The following POLD3 variants were observed in gnomAD, a reference collection of about 807,000 sequenced individuals.
POLD3 encodes DNA polymerase delta 3, accessory subunit.
In POLD3, 19 loss-of-function variants were observed where a neutral mutation model predicts 58.2. The observed-to-expected ratio is 0.33, with a 90% CI of 0.23 to 0.48. The LOEUF (loss-of-function observed/expected upper bound fraction) is 0.48, where lower values mean the gene tolerates loss of function less well. POLD3 is among the 20% of genes least tolerant of loss of function. The pLI is 0.99. For missense variants in POLD3, 504 were observed against 545.5 expected (o/e 0.92, Z 0.76); for synonymous variants, 172 against 193.5 (o/e 0.89, Z 0.92).
At chr11:74,661,773 C>T (rs1326502620) in intron 4 of POLD3, among the ~76,000 whole-genome samples, 1 of 152,242 alleles carries the variant, frequency 6.6e-6, no homozygotes, top group South Asian at 2.1e-4. Flanking sequence ...TTCTTCAGGG[C>T]AGCAAGTTCT....
At position 74,605,524 on chromosome 11, in the gene POLD3, A is replaced by G. The variant is rs191741940; in HGVS notation, c.219+730A>G. On this transcript the variant is annotated intron_variant, in intron 3 of 11. Transcript: ENST00000263681. ...ACCAAACTGGGCCTTGGGAACTTTAATAATTCCCCCTCTCTGGCGTCCTCC... is the reference window on the plus strand; with the variant it reads ...ACCAAACTGGGCCTTGGGAACTTTAGTAATTCCCCCTCTCTGGCGTCCTCC... Among the ~76,000 whole-genome samples, 18 of 152,252 alleles carry G rather than the reference A, an allele frequency of 1.2e-4. No individual in the cohort carries two copies. In the East Asian group the frequency reaches 3.5e-3, roughly 29 times the overall value.
At chr11:74,658,652 A>C (rs1187209475) in intron 4 of POLD3, among the ~76,000 whole-genome samples, 1 of 152,212 alleles carries the variant, frequency 6.6e-6, no homozygotes, top group Admixed American at 6.5e-5. Context: ...ATTCACAAAA[A>C]CAAAGGGGTT....
At position 74,612,956 on chromosome 11, in the gene POLD3, C is replaced by T; in HGVS notation, c.338C>T (p.Pro113Leu). Residue 113 changes from proline to leucine, a missense_variant, in exon 5 of 12, where the codon CCT (proline) becomes CTT (leucine). Pro to Leu is a moderately conservative substitution (Grantham distance 98, BLOSUM62 -3). Coordinates refer to ENST00000263681, the MANE Select transcript of POLD3 (RefSeq NM_006591.3). Reference protein sequence around the residue: ...IQKAMLKDSGPLFNTDYDILK... With the variant: ...IQKAMLKDSGLLFNTDYDILK... ...AAAGCCATGCTAAAGGACAGTGGGC[C>T]TCTGTTCAATACTGACTATGACATC... 2 of 1,613,740 alleles carry T rather than the reference C, an allele frequency of 1.2e-6. No homozygotes were observed. Among genetic ancestry groups the T allele is most frequent in the Non-Finnish European group, 1.7e-6 (2 of 1,179,658 alleles).
At chr11:74,600,820 C>T (rs181905130) in intron 2 of POLD3, among the ~76,000 whole-genome samples, 1 of 145,632 alleles carries the variant, frequency 6.9e-6, no homozygotes, top group East Asian at 2.1e-4. Context: ...CAGGTTCAAG[C>T]GATTCTCCTG....
intron 7 of POLD3, among the ~76,000 whole-genome samples, chr11:74,624,548 G>A (rs538296610): frequency 6.6e-6 from 1 of 152,272 alleles, no homozygotes; most frequent in East Asian, 1.9e-4. Flanking sequence ...ACTTATTGAA[G>A]CACCTCCAGC....
At position 74,613,025 on chromosome 11, in the gene POLD3, G is replaced by A. The variant is rs376583755; in HGVS notation, c.392+15G>A. 1.2e-6 allele frequency: 2 copies of A among 1,600,768 alleles called. No individual in the cohort carries two copies. Among genetic ancestry groups the A allele is most frequent in the South Asian group, 2.3e-5 (2 of 88,474 alleles). ...AACTGCAGCAAGTAAGCGTCTTAAT[G>A]TTCCTTGTGGGCTTCTTTACGAATT... On this transcript the variant is annotated intron_variant, in intron 5 of 11. Coordinates refer to ENST00000263681, the MANE Select transcript of POLD3 (RefSeq NM_006591.3).
intron 1 of POLD3, chr11:74,592,955 T>TGG: frequency 7.3e-7 from 1 of 1,379,306 alleles, no homozygotes; most frequent in Non-Finnish European, 9.4e-7. Flanking sequence ...GAACAGAGCC[T>TGG]GGGGCTGGAG....
chr11:74,626,356 A>G (rs576933410), intron 8 of POLD3, among the ~76,000 whole-genome samples: 2 of 152,338 alleles, frequency 1.3e-5, no homozygotes, highest in South Asian at 4.1e-4. Flanking sequence ...TCACTACTAA[A>G]TGTGATGATA....
At chr11:74,654,442 A>T (rs1565134039) in intron 4 of POLD3, among the ~76,000 whole-genome samples, 1 of 152,218 alleles carries the variant, frequency 6.6e-6, no homozygotes, top group Non-Finnish European at 1.5e-5. Flanking sequence ...CAAGTAGATA[A>T]ATCTGTAATT....
chr11:74,664,525 A>G (rs767846335), intron 4 of POLD3, among the ~76,000 whole-genome samples: 7 of 152,174 alleles, frequency 4.6e-5, no homozygotes, highest in Non-Finnish European at 7.3e-5. Context: ...AGGAGAGAAC[A>G]TTTCCCAACT....
At chr11:74,613,539 T>G (rs1321167288) in intron 5 of POLD3, among the ~76,000 whole-genome samples, 1 of 152,178 alleles carries the variant, frequency 6.6e-6, no homozygotes, top group East Asian at 1.9e-4. Context: ...GCTTTGCTGC[T>G]TAGTAGCCCA....
chr11:74,628,342 T>G (rs2032492160), intron 8 of POLD3, among the ~76,000 whole-genome samples: 1 of 152,198 alleles, frequency 6.6e-6, no homozygotes, highest in Non-Finnish European at 1.5e-5. Flanking sequence ...TTTATCTCAC[T>G]GATTTCTGCT....
intron 11 of POLD3, among the ~76,000 whole-genome samples, chr11:74,636,589 A>G (rs902115378): frequency 2.6e-5 from 4 of 152,226 alleles, no homozygotes; most frequent in African/African-American, 9.6e-5. Context: ...ATGAAGATTC[A>G]GGTGGCATAA....
chr11:74,612,649 C>A (rs1022005445), intron 4 of POLD3, among the ~76,000 whole-genome samples: 2 of 152,040 alleles, frequency 1.3e-5, no homozygotes, highest in African/African-American at 4.8e-5. Flanking sequence ...TGAGTGATAC[C>A]CTCTCAGGTG....
chr11:74,648,946 CAGGAG>C (rs1391659739), intron 4 of POLD3, among the ~76,000 whole-genome samples: 1 of 152,160 alleles, frequency 6.6e-6, no homozygotes, highest in Non-Finnish European at 1.5e-5. Context: ...CTTGGAAACT[CAGGAG>C]AGGAGAGTAT....
At chr11:74,665,145 AAAAT>A (rs149778002) in intron 4 of POLD3, among the ~76,000 whole-genome samples, 31,804 of 149,070 alleles carry the variant, frequency 0.21, 3,666 homozygotes, top group Middle Eastern at 0.31. Flanking sequence ...TAATAAAATA[AAAAT>A]AAATAAATAA....
intron 7 of POLD3, among the ~76,000 whole-genome samples, chr11:74,623,666 A>C (rs1361675423): frequency 6.6e-6 from 1 of 152,232 alleles, no homozygotes; most frequent in Non-Finnish European, 1.5e-5. Flanking sequence ...AATAAAATTC[A>C]GCATTGATGA....
At position 74,630,744 on chromosome 11, in the gene POLD3, T is replaced by C. The variant is rs181176446; in HGVS notation, c.1006+1421T>C. On this transcript the variant is annotated intron_variant, in intron 9 of 11. Coordinates refer to ENST00000263681, the MANE Select transcript of POLD3 (RefSeq NM_006591.3). ...CCCTATTTCCAATCAGTAAAAGACCTTGGGAAGATTTTGGAAAGGTCTTTG... is the reference window on the plus strand; with the variant it reads ...CCCTATTTCCAATCAGTAAAAGACCCTGGGAAGATTTTGGAAAGGTCTTTG... Among the ~76,000 whole-genome samples, 26 of 152,348 alleles carry C rather than the reference T, an allele frequency of 1.7e-4. No individual in the cohort carries two copies. In the East Asian group the frequency reaches 5.0e-3, roughly 29 times the overall value.
intron 7 of POLD3, among the ~76,000 whole-genome samples, chr11:74,625,183 C>A (rs1591309249): frequency 6.6e-6 from 1 of 152,148 alleles, no homozygotes; most frequent in Non-Finnish European, 1.5e-5. Flanking sequence ...CTTTTACTAT[C>A]ATTTAGCCTG....
Sources: allele counts gnomAD v4.1 joint callset (sites outside exome capture counted in the v4.1 genomes callset), GRCh38; gene constraint gnomAD v4.1.1; transcripts MANE v1.5; gene names NCBI Gene and HGNC (gene_info 2026-07-23, HGNC 2026-07-21).